Variants in TWSG1 observed in about 807,000 individuals in gnomAD.
The protein encoded by TWSG1 is twisted gastrulation BMP signaling modulator 1.
Under a neutral mutation model 23.0 loss-of-function variants are expected in TWSG1, and 15 were observed. That is an observed-to-expected ratio of 0.65 (90% CI 0.44 to 1.00). The LOEUF is 1.00. Ranked by LOEUF, TWSG1 falls within the 50% of genes least tolerant of loss-of-function variation. The pLI is 0.00. For missense variants in TWSG1, 242 were observed against 278.7 expected (o/e 0.87, Z 0.94); for synonymous variants, 86 against 92.8 (o/e 0.93, Z 0.42).
At chr18:9,394,802 A>G (rs1169345540) in intron 3 of TWSG1, among the ~76,000 whole-genome samples, 2 of 152,158 alleles carry the variant, frequency 1.3e-5, no homozygotes, top group Non-Finnish European at 2.9e-5. Flanking sequence ...ACACATGATC[A>G]TTCATGTTTT....
intron 2 of TWSG1, among the ~76,000 whole-genome samples, chr18:9,355,065 C>G (rs1568032982): frequency 2.6e-5 from 4 of 152,076 alleles, no homozygotes; most frequent in African/African-American, 9.7e-5. Flanking sequence ...ACGCCATTCT[C>G]CTGCCTCAGC....
At chr18:9,351,855 A>G (rs1166948194) in intron 2 of TWSG1, among the ~76,000 whole-genome samples, 1 of 152,074 alleles carries the variant, frequency 6.6e-6, no homozygotes, top group African/African-American at 2.4e-5. Flanking sequence ...TGTATTGGCC[A>G]GGCTGGTCTC....
chr18:9,398,814 A>G (rs1011811169), intron 4 of TWSG1, among the ~76,000 whole-genome samples: 15 of 151,854 alleles, frequency 9.9e-5, no homozygotes, highest in Non-Finnish European at 1.0e-4. Flanking sequence ...ATCATTTTCT[A>G]CTTAGTTCTG....
intron 3 of TWSG1, among the ~76,000 whole-genome samples, chr18:9,374,313 C>T (rs984154889): frequency 2.6e-5 from 4 of 151,902 alleles, no homozygotes; most frequent in African/African-American, 9.7e-5. Context: ...AAAGAGAGGA[C>T]ACAAATTACT....
chr18:9,380,864 G>T lies in TWSG1; in HGVS notation c.224-15416G>T, dbSNP rs193154412. ...AGGTTTTAAAAGATTAAGGAAAGCT[G>T]CCCTAGACAATGCCATGCCCTCATT... On this transcript the variant is annotated intron_variant, in intron 3 of 4. Transcript: ENST00000262120. Among the ~76,000 whole-genome samples, 5 of 152,294 alleles carry T rather than the reference G, an allele frequency of 3.3e-5. No homozygotes were observed. In the East Asian group the frequency reaches 9.6e-4, roughly 29 times the overall value.
At chr18:9,386,476 G>GA (rs1419514039) in intron 3 of TWSG1, among the ~76,000 whole-genome samples, 4 of 150,294 alleles carry the variant, frequency 2.7e-5, no homozygotes, top group African/African-American at 7.3e-5. Flanking sequence ...AAAGCAATTG[G>GA]AAAAATAATA....
chr18:9,382,473 A>G (rs1012070914), intron 3 of TWSG1, among the ~76,000 whole-genome samples: 18 of 151,720 alleles, frequency 1.2e-4, no homozygotes, highest in Admixed American at 3.3e-4. Context: ...CAGTGAACCG[A>G]TATCGGGCCA....
intron 2 of TWSG1, among the ~76,000 whole-genome samples, chr18:9,339,813 A>T (rs1167139365): frequency 2.0e-5 from 3 of 151,914 alleles, no homozygotes; most frequent in Admixed American, 2.0e-4. Flanking sequence ...AAAAAAAAAA[A>T]TTGTAAAAAA....
chr18:9,386,616 C>T (rs577247591), intron 3 of TWSG1, among the ~76,000 whole-genome samples: 39 of 150,512 alleles, frequency 2.6e-4, no homozygotes, highest in Non-Finnish European at 5.2e-4. Context: ...AAGAAATTAT[C>T]GAATAGTAGA....
chr18:9,342,375 C>A (rs1050067926), intron 2 of TWSG1, among the ~76,000 whole-genome samples: 1 of 152,162 alleles, frequency 6.6e-6, no homozygotes, highest in Non-Finnish European at 1.5e-5. Flanking sequence ...AACCTTATTT[C>A]TCTGTTTTGT....
At chr18:9,374,803 T>C (rs1028513513) in intron 3 of TWSG1, among the ~76,000 whole-genome samples, 2 of 152,166 alleles carry the variant, frequency 1.3e-5, no homozygotes, top group African/African-American at 4.8e-5. Flanking sequence ...CAACAATGTA[T>C]AAAAATTACA....
intron 3 of TWSG1, among the ~76,000 whole-genome samples, chr18:9,391,431 T>C (rs1056917647): frequency 6.6e-6 from 1 of 152,232 alleles, no homozygotes. Context: ...TCTAGAATAG[T>C]GAATCCTTTC....
At chr18:9,397,473 A>G (rs1318647214) in intron 4 of TWSG1, among the ~76,000 whole-genome samples, 1 of 152,254 alleles carries the variant, frequency 6.6e-6, no homozygotes, top group East Asian at 1.9e-4. Context: ...AGCATATTTA[A>G]GAGCATTTAT....
chr18:9,376,996 G>C (rs2040633332), intron 3 of TWSG1, among the ~76,000 whole-genome samples: 1 of 151,994 alleles, frequency 6.6e-6, no homozygotes, highest in Admixed American at 6.6e-5. Context: ...AAGTAATCTA[G>C]AGATTATTTC....
chr18:9,380,320 G>T (rs2040650745), intron 3 of TWSG1, among the ~76,000 whole-genome samples: 1 of 152,056 alleles, frequency 6.6e-6, no homozygotes, highest in African/African-American at 2.4e-5. Flanking sequence ...ACCTCCTAAG[G>T]TCAAATAACT....
At chr18:9,352,695 C>G (rs146813416) in intron 2 of TWSG1, among the ~76,000 whole-genome samples, 120 of 152,286 alleles carry the variant, frequency 7.9e-4, no homozygotes, top group African/African-American at 2.8e-3. Flanking sequence ...GTTAACAAAT[C>G]TCTCAGATCT....
At chr18:9,358,345 A>G (rs1371840054) in intron 2 of TWSG1, among the ~76,000 whole-genome samples, 1 of 152,196 alleles carries the variant, frequency 6.6e-6, no homozygotes, top group Admixed American at 6.5e-5. Context: ...ATTGACAATT[A>G]TCTGTGTCTT....
intron 3 of TWSG1, among the ~76,000 whole-genome samples, chr18:9,367,399 C>T (rs1275987194): frequency 6.6e-6 from 1 of 152,146 alleles, no homozygotes; most frequent in Non-Finnish European, 1.5e-5. Flanking sequence ...TCTGTGAGTT[C>T]AACTTTTTTA....
At chr18:9,382,083 C>T (rs1332915277) in intron 3 of TWSG1, among the ~76,000 whole-genome samples, 2 of 145,638 alleles carry the variant, frequency 1.4e-5, no homozygotes, top group South Asian at 2.2e-4. Context: ...TATTTTTAGT[C>T]TTTTTTTTTT....
Sources: gnomAD v4.1 joint callset for allele counts (sites outside exome capture counted in the v4.1 genomes callset) on GRCh38, gnomAD v4.1.1 for gene constraint, MANE v1.5 for transcripts, NCBI Gene and HGNC (gene_info 2026-07-23, HGNC 2026-07-21) for gene names.